PRKCA: variants seen among roughly 807,000 people sequenced by gnomAD.
PRKCA encodes the protein protein kinase C alpha.
In PRKCA, 27 loss-of-function variants were observed where a neutral mutation model predicts 87.0. That is an observed-to-expected ratio of 0.31 (90% CI 0.23 to 0.43). PRKCA has a LOEUF of 0.43. PRKCA is among the 20% of genes least tolerant of loss of function. The pLI is 1.00. For missense variants in PRKCA, 518 were observed against 852.3 expected (o/e 0.61, Z 4.88); for synonymous variants, 329 against 311.1 (o/e 1.06, Z -0.61).
At chr17:66,585,958 G>C (rs540524122) in intron 3 of PRKCA, among the ~76,000 whole-genome samples, 1 of 152,172 alleles carries the variant, frequency 6.6e-6, no homozygotes, top group Non-Finnish European at 1.5e-5. Flanking sequence ...CTCTCAGGTG[G>C]ATGATGTTTG....
intron 3 of PRKCA, among the ~76,000 whole-genome samples, chr17:66,565,281 C>T (rs1424421112): frequency 6.6e-6 from 1 of 152,160 alleles, no homozygotes; most frequent in Non-Finnish European, 1.5e-5. Flanking sequence ...TTCTTGTCTC[C>T]AGCCCAGCTC....
chr17:66,351,219 A>G (rs9903792), intron 2 of PRKCA, among the ~76,000 whole-genome samples: 75,366 of 152,102 alleles, frequency 0.5, 21,302 homozygotes, highest in Non-Finnish European at 0.64. Context: ...CAGGAAAACC[A>G]TGAAGTGTTA....
intron 2 of PRKCA, among the ~76,000 whole-genome samples, chr17:66,421,531 TC>T (rs1912496505): frequency 6.7e-6 from 1 of 150,176 alleles, no homozygotes; most frequent in Non-Finnish European, 1.5e-5. Context: ...TCTCTTCTCT[TC>T]TCTTTTCTTT....
At chr17:66,523,108 C>G (rs1390707088) in intron 3 of PRKCA, among the ~76,000 whole-genome samples, 1 of 152,094 alleles carries the variant, frequency 6.6e-6, no homozygotes, top group South Asian at 2.1e-4. Flanking sequence ...GCCTGAGTCA[C>G]CTGGTAGAGG....
At chr17:66,382,004 G>A (rs2143592286) in intron 2 of PRKCA, among the ~76,000 whole-genome samples, 1 of 152,310 alleles carries the variant, frequency 6.6e-6, no homozygotes, top group South Asian at 2.1e-4. Context: ...ACTAAATGTT[G>A]TGAGAGAGAT....
At chr17:66,545,369 C>T (rs1425910144) in intron 3 of PRKCA, among the ~76,000 whole-genome samples, 6 of 152,208 alleles carry the variant, frequency 3.9e-5, no homozygotes, top group African/African-American at 1.4e-4. Flanking sequence ...GCGGAGCTTG[C>T]AGTGAGCCAA....
At chr17:66,602,588 C>T (rs960254308) in intron 3 of PRKCA, among the ~76,000 whole-genome samples, 1 of 152,168 alleles carries the variant, frequency 6.6e-6, no homozygotes, top group African/African-American at 2.4e-5. Flanking sequence ...CATCTTGGCT[C>T]CTCCTCCAAA....
At chr17:66,444,309 T>A (rs940591077) in intron 2 of PRKCA, among the ~76,000 whole-genome samples, 1 of 152,120 alleles carries the variant, frequency 6.6e-6, no homozygotes, top group African/African-American at 2.4e-5. Flanking sequence ...TGCCACCAAC[T>A]CTCATGGAAT....
chr17:66,696,193 G>T (rs1212733207), intron 8 of PRKCA, among the ~76,000 whole-genome samples: 1 of 152,212 alleles, frequency 6.6e-6, no homozygotes, highest in Non-Finnish European at 1.5e-5. Flanking sequence ...GTATTGCATA[G>T]TGGTTAGAAG....
chr17:66,743,923 G>A (rs535029470), intron 13 of PRKCA, among the ~76,000 whole-genome samples: 12 of 152,196 alleles, frequency 7.9e-5, no homozygotes, highest in Non-Finnish European at 1.8e-4. Flanking sequence ...GGGAACTCGG[G>A]TGAGTTACTT....
Position 66,587,068 on chromosome 17 carries a change from C to T in PRKCA, c.289-54287C>T, listed in dbSNP as rs141434258. ...ACTCAGAAACCTCACAATGTCTGTC[C>T]TCCTGGGATAGAATATGAACAGAAT... On this transcript the variant is annotated intron_variant, in intron 3 of 16. Coordinates refer to ENST00000413366, the MANE Select transcript of PRKCA (RefSeq NM_002737.3). Among the ~76,000 whole-genome samples, 1,210 of 152,214 alleles carry T rather than the reference C, an allele frequency of 7.9e-3. 20 individuals are homozygous for T. The highest frequency in any genetic ancestry group is 0.027 in the African/African-American group (1,131 of 41,552).
chr17:66,634,363 T>A (rs1486144789), intron 3 of PRKCA, among the ~76,000 whole-genome samples: 2 of 152,220 alleles, frequency 1.3e-5, no homozygotes, highest in Non-Finnish European at 2.9e-5. Context: ...TAATATAATG[T>A]CAGGCTTGTG....
chr17:66,363,827 C>T lies in PRKCA; in HGVS notation c.205+57700C>T, dbSNP rs9902564. Among the ~76,000 whole-genome samples the T allele has an allele frequency of 9.0e-3, 1,363 of 152,256 alleles. 23 individuals are homozygous for T. The highest frequency in any genetic ancestry group is 0.031 in the African/African-American group (1,300 of 41,550). ...AAACGATTCTTCTGCCTCAGCCTCC[C>T]GAGTACCTGGGACTACAGGCGCGTG... On this transcript the variant is annotated intron_variant, in intron 2 of 16. Transcript: ENST00000413366.
Position 66,785,560 on chromosome 17 carries a change from C to T in PRKCA, c.1606-1307C>T, listed in dbSNP as rs181976141. ...AAAGGGGGAGCATTACGGAATTTCC[C>T]ATGAACGCTTTCCTCCTGTGCCATC... On this transcript the variant is annotated intron_variant, in intron 14 of 16. Coordinates refer to ENST00000413366, the MANE Select transcript of PRKCA (RefSeq NM_002737.3). Among the ~76,000 whole-genome samples the T allele has an allele frequency of 7.2e-5, 11 of 152,250 alleles. No homozygotes were observed. In the East Asian group the frequency reaches 1.4e-3, roughly 19 times the overall value.
chr17:66,347,941 C>CTTTTTTTTTTT (rs57292153), intron 2 of PRKCA, among the ~76,000 whole-genome samples: 6,970 of 55,908 alleles, frequency 0.12, 2,263 homozygotes, highest in East Asian at 0.32. Flanking sequence ...AATTCTGAAC[C>CTTTTTTTTTTT]TTTTTTTTTT....
intron 2 of PRKCA, among the ~76,000 whole-genome samples, chr17:66,369,602 C>G (rs1365994757): frequency 6.6e-6 from 1 of 152,194 alleles, no homozygotes; most frequent in South Asian, 2.1e-4. Context: ...TTTTCCATCT[C>G]TATCCCAACT....
intron 2 of PRKCA, among the ~76,000 whole-genome samples, chr17:66,434,265 G>A (rs1441346601): frequency 9.6e-6 from 1 of 104,384 alleles, no homozygotes; most frequent in Admixed American, 9.0e-5. Context: ...CAAGGGGTAG[G>A]ATGGGAGTGT....
chr17:66,426,932 G>A (rs1912840977), intron 2 of PRKCA, among the ~76,000 whole-genome samples: 1 of 152,032 alleles, frequency 6.6e-6, no homozygotes, highest in Non-Finnish European at 1.5e-5. Context: ...TTAACCCTGG[G>A]GTTTTCCTGC....
chr17:66,355,601 C>G (rs978428314), intron 2 of PRKCA, among the ~76,000 whole-genome samples: 1 of 152,244 alleles, frequency 6.6e-6, no homozygotes, highest in East Asian at 1.9e-4. Flanking sequence ...AGTTTATCCT[C>G]TCACCCAGCA....
Sources: allele counts gnomAD v4.1 joint callset (sites outside exome capture counted in the v4.1 genomes callset), GRCh38; gene constraint gnomAD v4.1.1; transcripts MANE v1.5; gene names NCBI Gene and HGNC (gene_info 2026-07-23, HGNC 2026-07-21).